NAV2: variants seen among roughly 807,000 people sequenced by gnomAD.
The protein encoded by NAV2 is helicase, APC down-regulated 1.
Under a neutral mutation model 223.2 loss-of-function variants are expected in NAV2, and 54 were observed. That is an observed-to-expected ratio of 0.24 (90% CI 0.19 to 0.30). The LOEUF (loss-of-function observed/expected upper bound fraction) is 0.30, where lower values mean the gene tolerates loss of function less well. Among genes scored for constraint, NAV2 ranks in the 10% least tolerant of loss-of-function variants. The pLI is 1.00. For missense variants in NAV2, 2,806 were observed against 3,147.5 expected, an observed-to-expected ratio of 0.89 and a Z score of 2.60; for synonymous variants, 1,279 against 1,239.3, an observed-to-expected ratio of 1.03 and a Z score of -0.67.
At position 20,044,069 on chromosome 11, in the gene NAV2, G is replaced by A. The variant is rs2057210731; in HGVS notation, c.2996G>A (p.Gly999Asp). Residue 999 changes from glycine to aspartate, a missense_variant, in exon 13 of 38, where the codon GGC becomes GAC. Gly to Asp is a moderately conservative substitution (Grantham distance 94). This residue lies in a region of NAV2 where 742 missense variants were observed against 777.9 expected (regional missense o/e 0.95). Transcript: ENST00000349880. Reference sequence around the variant, plus strand: ...AAATCAGACGGAGGCTCAGACAGCGGCATAAAAATGGAGCCAGGTTCCAAG... The same window carrying A: ...AAATCAGACGGAGGCTCAGACAGCGACATAAAAATGGAGCCAGGTTCCAAG... ...VKKSDGGSDSGIKMEPGSKWR... is the reference protein window; with the variant it reads ...VKKSDGGSDSDIKMEPGSKWR... 6.2e-7 allele frequency: 1 copy of A among 1,614,050 alleles called. No individual in the cohort carries two copies. Among genetic ancestry groups the A allele is most frequent in the Non-Finnish European group, 8.5e-7 (1 of 1,180,032 alleles).
chr11:19,901,453 A>T (rs2042437004), intron 6 of NAV2, among the ~76,000 whole-genome samples: 1 of 152,200 alleles, frequency 6.6e-6, no homozygotes, highest in Non-Finnish European at 1.5e-5. Context: ...AGGCTGAGGC[A>T]GGAGAATCGC....
intron 4 of NAV2, among the ~76,000 whole-genome samples, chr11:19,877,011 C>T (rs192740681): frequency 6.6e-6 from 1 of 150,832 alleles, no homozygotes; most frequent in African/African-American, 2.4e-5. Flanking sequence ...TACCAGCTAG[C>T]ATTTATTTTA....
At chr11:20,097,471 T>C in intron 30 of NAV2, 106 bp from the exon 31 acceptor site, 1 of 941,008 alleles carries the variant, frequency 1.1e-6, no homozygotes, top group East Asian at 2.8e-5. Flanking sequence ...AACTCAGACA[T>C]CTGAGAAAGA....
At chr11:19,351,905 T>A (rs1019670099) in intron 1 of NAV2, among the ~76,000 whole-genome samples, 1 of 148,760 alleles carries the variant, frequency 6.7e-6, no homozygotes, top group Non-Finnish European at 1.5e-5. Flanking sequence ...CTCTTCCCAG[T>A]GTGAAATACA....
chr11:20,106,195 A>ATGTGTGTGTGTGTG (rs1592179575), intron 35 of NAV2, among the ~76,000 whole-genome samples: 2 of 22,160 alleles, frequency 9.0e-5, no homozygotes, highest in Non-Finnish European at 3.2e-4. Flanking sequence ...ATATATATAT[A>ATGTGTGTGTGTGTG]TATATATATA....
At position 19,833,163 on chromosome 11, in the gene NAV2, G is replaced by A. The variant is rs187559466; in HGVS notation, c.385+562G>A. Among the ~76,000 whole-genome samples, 283 of 152,330 alleles carry A rather than the reference G, an allele frequency of 1.9e-3. 1 individual carries two copies. The highest frequency in any genetic ancestry group is 3.0e-3 in the Non-Finnish European group (205 of 68,034). Reference sequence around the variant, plus strand: ...GTTCCTCCAGTGAAGGCACGTGGGTGGATACTGGCCACAGCTTTGCCTTGG... The same window carrying A: ...GTTCCTCCAGTGAAGGCACGTGGGTAGATACTGGCCACAGCTTTGCCTTGG... On this transcript the variant is annotated intron_variant, in intron 2 of 37. Transcript: ENST00000349880.
chr11:19,538,022 C>G (rs1037156024), intron 1 of NAV2, among the ~76,000 whole-genome samples: 2 of 152,224 alleles, frequency 1.3e-5, no homozygotes, highest in African/African-American at 4.8e-5. Context: ...GAGTCCAGAA[C>G]TCAGACCTGG....
intron 1 of NAV2, among the ~76,000 whole-genome samples, chr11:19,673,336 ATTC>A (rs1403921973): frequency 2.6e-5 from 4 of 152,238 alleles, no homozygotes; most frequent in African/African-American, 9.6e-5. Flanking sequence ...CAGAATTTTA[ATTC>A]TTCTACCAAT....
intron 1 of NAV2, among the ~76,000 whole-genome samples, chr11:19,717,491 G>A (rs946254595): frequency 8.5e-5 from 13 of 152,236 alleles, no homozygotes; most frequent in African/African-American, 3.1e-4. Context: ...GGGAGGAGAG[G>A]AAGTCAGAAT....
At chr11:19,963,442 A>C (rs1358665265) in intron 10 of NAV2, among the ~76,000 whole-genome samples, 1 of 152,332 alleles carries the variant, frequency 6.6e-6, no homozygotes, top group African/African-American at 2.4e-5. Context: ...ATCCGAATAT[A>C]TGGAAGGCAA....
chr11:19,723,908 C>A (rs1374883071), intron 1 of NAV2, among the ~76,000 whole-genome samples: 1 of 152,202 alleles, frequency 6.6e-6, no homozygotes, highest in Non-Finnish European at 1.5e-5. Flanking sequence ...AATGTGTGGG[C>A]CACAAGTGTG....
At chr11:20,068,111 G>T in intron 20 of NAV2, 75 bp from the exon 21 acceptor site, 1 of 1,265,454 alleles carries the variant, frequency 7.9e-7, no homozygotes, top group East Asian at 2.3e-5. Context: ...ATCTGAATAT[G>T]GTGTTCCCGA....
chr11:19,893,958 C>T (rs890944495), intron 6 of NAV2, among the ~76,000 whole-genome samples: 4 of 152,260 alleles, frequency 2.6e-5, no homozygotes, highest in African/African-American at 9.6e-5. Context: ...TGCATATTCT[C>T]CTTAGAGTAC....
At chr11:19,867,552 A>C (rs563011951) in intron 3 of NAV2, among the ~76,000 whole-genome samples, 1 of 152,384 alleles carries the variant, frequency 6.6e-6, no homozygotes, top group East Asian at 1.9e-4. Context: ...GAAAGGCATA[A>C]CGCATAGCAT....
chr11:19,722,432 C>T (rs1476872312), intron 1 of NAV2, among the ~76,000 whole-genome samples: 1 of 152,208 alleles, frequency 6.6e-6, no homozygotes, highest in Non-Finnish European at 1.5e-5. Flanking sequence ...TCCTCCCACA[C>T]TTTACCCACA....
At chr11:19,757,009 A>AGCTGGGCTGG (rs144431320) in intron 1 of NAV2, among the ~76,000 whole-genome samples, 61,391 of 151,242 alleles carry the variant, frequency 0.41, 13,674 homozygotes, top group East Asian at 0.59. Context: ...GGCTGGACTG[A>AGCTGGGCTGG]GCTGGGCTGG....
chr11:19,457,854 C>G (rs777562145), intron 1 of NAV2, among the ~76,000 whole-genome samples: 2 of 152,154 alleles, frequency 1.3e-5, no homozygotes, highest in Non-Finnish European at 2.9e-5. Flanking sequence ...GAGTTGCAAA[C>G]TCATGTTTTG....
At chr11:19,915,776 T>C (rs1453010067) in intron 6 of NAV2, among the ~76,000 whole-genome samples, 1 of 152,202 alleles carries the variant, frequency 6.6e-6, no homozygotes, top group Non-Finnish European at 1.5e-5. Flanking sequence ...GCAGGTTAGC[T>C]CCTTGAGGTC....
At chr11:19,440,929 T>A (rs1851378516) in intron 1 of NAV2, among the ~76,000 whole-genome samples, 1 of 152,112 alleles carries the variant, frequency 6.6e-6, no homozygotes, top group Admixed American at 6.5e-5. Flanking sequence ...ACAGAAAAAA[T>A]GCAGTTTGAC....
Sources: allele counts gnomAD v4.1 joint callset (sites outside exome capture counted in the v4.1 genomes callset), GRCh38; gene constraint gnomAD v4.1.1; regional missense constraint gnomAD v4.1.1; transcripts MANE v1.5; gene names NCBI Gene and HGNC (gene_info 2026-07-23, HGNC 2026-07-21).